TENM3: variants seen among roughly 807,000 people sequenced by gnomAD.
TENM3 encodes teneurin-3.
A neutral mutation model predicts 255.1 loss-of-function variants in TENM3; 63 were observed. That is an observed-to-expected ratio of 0.25 (90% CI 0.20 to 0.30). The LOEUF is 0.30. Among genes scored for constraint, TENM3 ranks in the 10% least tolerant of loss-of-function variants. The probability of loss-of-function intolerance (pLI) is 1.00; values close to 1 mark genes in which losing one functional copy is unlikely to be tolerated. For missense variants in TENM3, 2,929 were observed against 3,461.1 expected (o/e 0.85, Z 3.86); for synonymous variants, 1,306 against 1,322.3 (o/e 0.99, Z 0.27).
the TENM3 span, among the ~76,000 whole-genome samples, chr4:181,638,003 T>C: frequency 6.6e-6 from 1 of 152,208 alleles, no homozygotes; most frequent in Admixed American, 6.5e-5. Context: ...GCAGGCATTT[T>C]CTTGGCAAAG....
chr4:181,546,205 C>G, the TENM3 span, among the ~76,000 whole-genome samples: 2 of 152,166 alleles, frequency 1.3e-5, no homozygotes, highest in African/African-American at 4.8e-5. Flanking sequence ...CAGGCCAGCT[C>G]CTACTTCTCC....
the TENM3 span, among the ~76,000 whole-genome samples, chr4:181,854,344 A>G: frequency 1.3e-5 from 2 of 152,202 alleles, no homozygotes; most frequent in South Asian, 2.1e-4. Context: ...CAATGATTCC[A>G]TGGCCTCAAG....
chr4:182,621,122 A>G (rs535871450), intron 4 of TENM3, among the ~76,000 whole-genome samples: 1 of 151,850 alleles, frequency 6.6e-6, no homozygotes, highest in South Asian at 2.1e-4. Flanking sequence ...CAGAGCTTGC[A>G]GTGAACCGAG....
At chr4:181,786,965 AT>A in the TENM3 span, among the ~76,000 whole-genome samples, 2 of 152,336 alleles carry the variant, frequency 1.3e-5, no homozygotes, top group Admixed American at 1.3e-4. Context: ...CTCTCTAGGT[AT>A]TAAGGAATGT....
At position 182,666,053 on chromosome 4, in the gene TENM3, G is replaced by A. The variant is rs538345172; in HGVS notation, c.1112-6952G>A. Among the ~76,000 whole-genome samples, 10 of 152,224 alleles carry A rather than the reference G, an allele frequency of 6.6e-5. No homozygotes were observed. In the South Asian group the frequency reaches 8.3e-4, roughly 13 times the overall value. ...CTTTGAGGGTTCACACTTCAATGGC[G>A]GAAGTAACTGCAGATCTGGTGGAAA... On this transcript the variant is annotated intron_variant, in intron 6 of 27. Coordinates refer to ENST00000511685, the MANE Select transcript of TENM3 (RefSeq NM_001080477.4).
chr4:181,607,413 A>ATTTTTTT, the TENM3 span, among the ~76,000 whole-genome samples: 1 of 147,548 alleles, frequency 6.8e-6, no homozygotes, highest in Non-Finnish European at 1.5e-5. Flanking sequence ...TTGGCATTTA[A>ATTTTTTT]TTTTTTTTTT....
At chr4:181,794,666 C>CTGCGTG in the TENM3 span, among the ~76,000 whole-genome samples, 1 of 142,998 alleles carries the variant, frequency 7.0e-6, no homozygotes, top group East Asian at 2.1e-4. Context: ...AATAATATCC[C>CTGCGTG]TGTGTGTGTG....
the TENM3 span, among the ~76,000 whole-genome samples, chr4:181,889,189 A>G: frequency 6.6e-6 from 1 of 152,062 alleles, no homozygotes; most frequent in East Asian, 1.9e-4. Flanking sequence ...GGGATATTGC[A>G]TCACAGGGCG....
At chr4:181,584,650 G>A in the TENM3 span, among the ~76,000 whole-genome samples, 1 of 152,106 alleles carries the variant, frequency 6.6e-6, no homozygotes, top group African/African-American at 2.4e-5. Context: ...CTCAATAGGT[G>A]CTAGGCTACC....
chr4:182,625,806 G>A (rs911510086), intron 4 of TENM3, among the ~76,000 whole-genome samples: 1 of 152,132 alleles, frequency 6.6e-6, no homozygotes, highest in South Asian at 2.1e-4. Flanking sequence ...GTGGCGTTGA[G>A]GGAATAGGCT....
intron 3 of TENM3, among the ~76,000 whole-genome samples, chr4:182,484,618 A>G (rs1330956049): frequency 6.6e-6 from 1 of 152,154 alleles, no homozygotes; most frequent in African/African-American, 2.4e-5. Context: ...TATGTCAGGA[A>G]AGATTCAGGA....
the TENM3 span, among the ~76,000 whole-genome samples, chr4:182,070,080 A>G: frequency 0.022 from 3,331 of 152,274 alleles, 63 homozygotes; most frequent in Middle Eastern, 0.037. Flanking sequence ...CAGAGGCATG[A>G]CAAGCCCCAG....
chr4:182,639,136 A>G (rs1263543597), intron 5 of TENM3, among the ~76,000 whole-genome samples: 1 of 152,218 alleles, frequency 6.6e-6, no homozygotes. Context: ...GTAAGAAGTA[A>G]TATTTATCAC....
At chr4:181,621,934 A>G in the TENM3 span, among the ~76,000 whole-genome samples, 2 of 152,182 alleles carry the variant, frequency 1.3e-5, no homozygotes, top group Admixed American at 6.5e-5. Context: ...TCACAGTTCA[A>G]ATCGAGCCTG....
intron 2 of TENM3, among the ~76,000 whole-genome samples, chr4:182,345,784 A>G (rs922481826): frequency 1.3e-5 from 2 of 152,144 alleles, no homozygotes; most frequent in African/African-American, 4.8e-5. Flanking sequence ...CATGAGTTTT[A>G]TTATGCTCAA....
intron 1 of TENM3, among the ~76,000 whole-genome samples, chr4:182,321,738 G>C (rs1270604099): frequency 6.6e-6 from 1 of 152,124 alleles, no homozygotes; most frequent in Admixed American, 6.5e-5. Context: ...GAGGTCAGGA[G>C]ATGGAGGCCA....
the TENM3 span, among the ~76,000 whole-genome samples, chr4:181,879,836 T>G: frequency 6.6e-6 from 1 of 152,138 alleles, no homozygotes; most frequent in Admixed American, 6.5e-5. Context: ...CAAAGTGATC[T>G]GTCAAAAATC....
rs1243447349 is a variant in TENM3 at position 182,800,102 on chromosome 4, G to A, written c.7851G>A (p.Lys2617=). The A allele has an allele frequency of 6.4e-7, 1 of 1,574,246 alleles. No homozygotes were observed. Among genetic ancestry groups the A allele is most frequent in the African/African-American group, 1.4e-5 (1 of 73,146 alleles). The change falls in exon 28 of 28, where the codon AAG becomes AAA. Residue 2617 remains lysine (K), a synonymous_variant. Coordinates refer to ENST00000511685, the MANE Select transcript of TENM3 (RefSeq NM_001080477.4). ...VRYGMTLDEE[K]ARILEQARQR... ...ACGGCATGACCCTGGACGAGGAGAAGGCGCGCATCCTGGAGCAGGCGCGGC... is the reference window on the plus strand; with the variant it reads ...ACGGCATGACCCTGGACGAGGAGAAAGCGCGCATCCTGGAGCAGGCGCGGC...
chr4:182,293,368 G>A (rs1178037874), intron 1 of TENM3, among the ~76,000 whole-genome samples: 1 of 152,170 alleles, frequency 6.6e-6, no homozygotes. Flanking sequence ...CATGGTTTTA[G>A]AAGCTGAGTG....
Sources: allele counts gnomAD v4.1 joint callset (sites outside exome capture counted in the v4.1 genomes callset), GRCh38; gene constraint gnomAD v4.1.1; transcripts MANE v1.5; gene names NCBI Gene and HGNC (gene_info 2026-07-23, HGNC 2026-07-21).